MYRIP: variants seen among roughly 807,000 people sequenced by gnomAD.
MYRIP encodes the protein myosin VIIA and Rab interacting protein, also known as rab effector MyRIP.
MYRIP carries 49 observed loss-of-function variants against 98.0 expected under a neutral mutation model. The ratio of observed to expected loss-of-function variants is 0.50; its 90% CI spans 0.40 to 0.63. The LOEUF is 0.63. Ranked by LOEUF, MYRIP falls within the 30% of genes least tolerant of loss-of-function variation. MYRIP has a pLI of 0.00. For synonymous variants in MYRIP, 404 were observed against 409.5 expected (o/e 0.99, Z 0.16); for missense variants, 1,004 against 1,058.2 (o/e 0.95, Z 0.71).
chr3:40,080,483 A>G (rs1471189125), intron 3 of MYRIP, among the ~76,000 whole-genome samples: 1 of 152,044 alleles, frequency 6.6e-6, no homozygotes, highest in Non-Finnish European at 1.5e-5. Context: ...AAAAGAAAAA[A>G]AGTGTATATA....
At chr3:39,870,343 GTTCCAATTTGTTCCATTC>G (rs138940365) in intron 1 of MYRIP, among the ~76,000 whole-genome samples, 70,571 of 150,818 alleles carry the variant, frequency 0.47, 17,218 homozygotes, top group African/African-American at 0.63. Flanking sequence ...AAGCACCATT[GTTCCAATTTGTTCCATTC>G]TTCCAATTTG....
intron 3 of MYRIP, among the ~76,000 whole-genome samples, chr3:40,128,257 A>C (rs1182277789): frequency 2.0e-5 from 3 of 152,118 alleles, no homozygotes; most frequent in Non-Finnish European, 4.4e-5. Context: ...TGACTTATGT[A>C]CAGAAACAGT....
chr3:39,956,228 C>G (rs1027184299), intron 2 of MYRIP, among the ~76,000 whole-genome samples: 1 of 152,146 alleles, frequency 6.6e-6, no homozygotes, highest in Non-Finnish European at 1.5e-5. Context: ...AATATACATT[C>G]TTCTCAGAAC....
At chr3:40,253,596 C>T (rs1291272024) in intron 16 of MYRIP, among the ~76,000 whole-genome samples, 1 of 152,158 alleles carries the variant, frequency 6.6e-6, no homozygotes, top group Admixed American at 6.5e-5. Flanking sequence ...ACTAAGATCG[C>T]ACTAGTCTTA....
At chr3:39,894,533 C>CA (rs1274269737) in intron 1 of MYRIP, among the ~76,000 whole-genome samples, 1 of 152,144 alleles carries the variant, frequency 6.6e-6, no homozygotes, top group Non-Finnish European at 1.5e-5. Context: ...ATAGACGGTT[C>CA]ATTTGGATCT....
intron 2 of MYRIP, among the ~76,000 whole-genome samples, chr3:39,906,544 C>T (rs1388609978): frequency 6.6e-6 from 1 of 152,138 alleles, no homozygotes; most frequent in Non-Finnish European, 1.5e-5. Flanking sequence ...TTGTCTATAG[C>T]AGTTATGCTT....
At chr3:40,146,605 T>C (rs1048487214) in intron 3 of MYRIP, among the ~76,000 whole-genome samples, 4 of 152,126 alleles carry the variant, frequency 2.6e-5, no homozygotes, top group African/African-American at 9.7e-5. Flanking sequence ...GTTGAAAAAT[T>C]TGGTCTCTCA....
At chr3:40,221,508 G>A (rs1318282188) in intron 11 of MYRIP, among the ~76,000 whole-genome samples, 5 of 152,184 alleles carry the variant, frequency 3.3e-5, no homozygotes, top group Non-Finnish European at 7.3e-5. Flanking sequence ...GTGAGCACCT[G>A]TGGTCCCAGC....
intron 8 of MYRIP, among the ~76,000 whole-genome samples, chr3:40,171,072 A>C (rs921650226): frequency 6.6e-6 from 1 of 152,080 alleles, no homozygotes; most frequent in Non-Finnish European, 1.5e-5. Flanking sequence ...AACTTCATTG[A>C]TTTATCAGCA....
At chr3:39,911,967 G>C (rs752877517) in intron 2 of MYRIP, among the ~76,000 whole-genome samples, 10 of 152,198 alleles carry the variant, frequency 6.6e-5, no homozygotes, top group Admixed American at 1.3e-4. Flanking sequence ...CTGACTGTCA[G>C]GGTGACTTAT....
chr3:40,000,142 G>A (rs903132157), intron 2 of MYRIP, among the ~76,000 whole-genome samples: 17 of 151,810 alleles, frequency 1.1e-4, no homozygotes, highest in African/African-American at 2.4e-4. Flanking sequence ...AAACCTGCAC[G>A]TTGTGCACAT....
intron 12 of MYRIP, among the ~76,000 whole-genome samples, chr3:40,234,359 C>T (rs766028981): frequency 6.6e-6 from 1 of 152,196 alleles, no homozygotes; most frequent in Non-Finnish European, 1.5e-5. Flanking sequence ...GGAGCTTCAG[C>T]CTGATCCTGC....
chr3:39,936,544 T>A (rs1318766523), intron 2 of MYRIP, among the ~76,000 whole-genome samples: 1 of 152,180 alleles, frequency 6.6e-6, no homozygotes, highest in African/African-American at 2.4e-5. Flanking sequence ...TCTGGAATAA[T>A]GATGCCTCTC....
In MYRIP at chr3:40,197,965, T is replaced by C. The variant is rs190595519; in HGVS notation, c.1665+7502T>C. Reference sequence around the variant, plus strand: ...TTTGTTATATACTTACTGCCTCGCATTATGCTTCTCTGATCAGATGGCTAA... The same window carrying C: ...TTTGTTATATACTTACTGCCTCGCACTATGCTTCTCTGATCAGATGGCTAA... On this transcript the variant is annotated intron_variant, in intron 10 of 16. Coordinates refer to ENST00000302541, the MANE Select transcript of MYRIP (RefSeq NM_015460.4). 9.8e-5 allele frequency among the ~76,000 whole-genome samples: 15 copies of C among 152,330 alleles called. No homozygotes were observed. The East Asian group carries it at 1.9e-3, about 20-fold the overall frequency.
intron 3 of MYRIP, among the ~76,000 whole-genome samples, chr3:40,090,104 A>T (rs1381100808): frequency 2.0e-5 from 3 of 151,950 alleles, no homozygotes; most frequent in African/African-American, 7.3e-5. Context: ...TTTCATCAAG[A>T]ATAATCAACA....
chr3:39,930,208 C>T (rs1944504306), intron 2 of MYRIP, among the ~76,000 whole-genome samples: 1 of 152,018 alleles, frequency 6.6e-6, no homozygotes, highest in Non-Finnish European at 1.5e-5. Flanking sequence ...ACATACTCAT[C>T]AATACTCATT....
chr3:40,220,776 C>A (rs919011282), intron 11 of MYRIP, among the ~76,000 whole-genome samples: 1 of 152,016 alleles, frequency 6.6e-6, no homozygotes, highest in African/African-American at 2.4e-5. Flanking sequence ...GGGAAGCAGG[C>A]ATGTCTTACA....
chr3:39,905,173 G>T (rs1403360281), intron 2 of MYRIP, among the ~76,000 whole-genome samples: 1 of 151,368 alleles, frequency 6.6e-6, no homozygotes, highest in Non-Finnish European at 1.5e-5. Context: ...TTTATTTTCT[G>T]TGTTTCTTTT....
At chr3:40,122,439 T>C (rs1949423961) in intron 3 of MYRIP, among the ~76,000 whole-genome samples, 1 of 151,574 alleles carries the variant, frequency 6.6e-6, no homozygotes, top group Non-Finnish European at 1.5e-5. Flanking sequence ...CAATTATTCA[T>C]GCTTCTTGTA....
Sources: gnomAD v4.1 joint callset for allele counts (sites outside exome capture counted in the v4.1 genomes callset) on GRCh38, gnomAD v4.1.1 for gene constraint, MANE v1.5 for transcripts, NCBI Gene and HGNC (gene_info 2026-07-23, HGNC 2026-07-21) for gene names.